The following AEBP2 variants were observed in gnomAD, a reference collection of about 807,000 sequenced individuals.
AEBP2 encodes zinc finger protein AEBP2.
A neutral mutation model predicts 50.8 loss-of-function variants in AEBP2; 10 were observed. The ratio of observed to expected loss-of-function variants is 0.20; its 90% CI spans 0.12 to 0.33. The LOEUF (loss-of-function observed/expected upper bound fraction) is 0.33. Among genes scored for constraint, AEBP2 ranks in the 10% least tolerant of loss-of-function variants. The pLI is 1.00. For synonymous variants in AEBP2, 296 were observed against 261.3 expected (o/e 1.13, Z -1.28); for missense variants, 570 against 688.0 (o/e 0.83, Z 1.92).
chr12:19,417,360 T>C (rs925878015), intron 1 of AEBP2, among the ~76,000 whole-genome samples: 5 of 152,168 alleles, frequency 3.3e-5, no homozygotes, highest in Non-Finnish European at 7.3e-5. Flanking sequence ...TCATTCTGTA[T>C]ATATTTCTTA....
intron 1 of AEBP2, chr12:19,440,721 A>C: frequency 1.3e-6 from 2 of 1,533,504 alleles, no homozygotes; most frequent in Non-Finnish European, 1.7e-6. Flanking sequence ...ACACGTCGGT[A>C]CTCAAGGTTA....
At chr12:19,469,045 C>T (rs7969253) in intron 2 of AEBP2, among the ~76,000 whole-genome samples, 7,167 of 152,236 alleles carry the variant, frequency 0.047, 386 homozygotes, top group East Asian at 0.18. Flanking sequence ...CTCCCTCAGC[C>T]TCCCAAGTAG....
intron 2 of AEBP2, among the ~76,000 whole-genome samples, chr12:19,467,145 C>T (rs1948490991): frequency 6.6e-6 from 1 of 152,104 alleles, no homozygotes; most frequent in South Asian, 2.1e-4. Flanking sequence ...GTTGCCCATG[C>T]TGGTCTTGCC....
At position 19,519,286 on chromosome 12, in the gene AEBP2, T is replaced by A. The variant is rs1949365770; in HGVS notation, c.*1169T>A. 6.6e-6 allele frequency: 1 copy of A among 152,602 alleles called. No individual in the cohort carries two copies. The highest frequency in any genetic ancestry group is 2.4e-5 in the African/African-American group (1 of 41,456). The allele number at this position is 152,602 out of a possible 1,614,324, so 9.5% of individuals were successfully genotyped here. ...TTTCTAGAGGCATGAAAGTTAAATG[T>A]ATATATTATGGTAGAAATAATATTG... On this transcript the variant is annotated 3_prime_UTR_variant, in exon 8 of 8. Transcript: ENST00000266508.
At chr12:19,473,144 C>G (rs1948595041) in intron 2 of AEBP2, 104 bp from the exon 3 acceptor site, 3 of 428,042 alleles carry the variant, frequency 7.0e-6, no homozygotes, top group South Asian at 1.7e-4. Context: ...TTCAGTAGCT[C>G]TTGTCAGTTG....
intron 2 of AEBP2, chr12:19,466,703 C>T: frequency 1.4e-6 from 1 of 709,092 alleles, no homozygotes; most frequent in Non-Finnish European, 1.7e-6. Context: ...ATTTTGTTGG[C>T]CTAATTATTT....
At chr12:19,464,942 A>G (rs1948444739) in intron 2 of AEBP2, among the ~76,000 whole-genome samples, 1 of 152,060 alleles carries the variant, frequency 6.6e-6, no homozygotes, top group Non-Finnish European at 1.5e-5. Context: ...GTAATTATAT[A>G]CCTGTACCTT....
At chr12:19,459,918 G>A (rs967349496) in intron 1 of AEBP2, among the ~76,000 whole-genome samples, 1 of 152,238 alleles carries the variant, frequency 6.6e-6, no homozygotes, top group African/African-American at 2.4e-5. Flanking sequence ...AGACTCTGCC[G>A]CTACAAAAAA....
At position 19,439,676 on chromosome 12, in the gene AEBP2, G is replaced by GGAC. The variant is rs1050968909; in HGVS notation, c.-22_-21insCGA. The GGAC allele has an allele frequency of 1.3e-6, 2 of 1,516,430 alleles. No homozygotes were observed. The highest frequency in any genetic ancestry group is 1.8e-6 in the Non-Finnish European group (2 of 1,138,560). 93.9% of individuals were successfully genotyped at this position (1,516,430 alleles called of 1,614,324 possible). Reference sequence around the variant, plus strand: ...AGGGAGGCGGCGGTGGGGAGGAGGAGGAGGAGGAGGAGCAGGCGCCGCCAT... The same window carrying GGAC: ...AGGGAGGCGGCGGTGGGGAGGAGGAGGACGAGGAGGAGGAGCAGGCGCCGCCAT... On this transcript the variant is annotated 5_prime_UTR_variant, in exon 1 of 8. Transcript: ENST00000266508.
At chr12:19,468,452 A>G (rs1592743484) in intron 2 of AEBP2, among the ~76,000 whole-genome samples, 1 of 152,170 alleles carries the variant, frequency 6.6e-6, no homozygotes, top group Middle Eastern at 3.2e-3. Context: ...ATTTTAATTT[A>G]CTGGTAATAA....
At chr12:19,481,476 C>T (rs1337071487) in intron 3 of AEBP2, among the ~76,000 whole-genome samples, 1 of 137,964 alleles carries the variant, frequency 7.2e-6, no homozygotes, top group Non-Finnish European at 1.6e-5. Flanking sequence ...CTTTTCTTTT[C>T]TTTTTTTTTT....
At chr12:19,504,298 G>T (rs1298711534) in intron 5 of AEBP2, among the ~76,000 whole-genome samples, 1 of 151,158 alleles carries the variant, frequency 6.6e-6, no homozygotes, top group Admixed American at 6.6e-5. Context: ...GCAGTGGCGC[G>T]ATCTCGGCTC....
At chr12:19,466,280 C>T (rs1416542327) in intron 2 of AEBP2, among the ~76,000 whole-genome samples, 1 of 151,974 alleles carries the variant, frequency 6.6e-6, no homozygotes, top group Non-Finnish European at 1.5e-5. Context: ...GCCTGGGCAA[C>T]GTGACAAAAT....
intron 1 of AEBP2, among the ~76,000 whole-genome samples, chr12:19,449,344 G>A (rs1948127285): frequency 6.6e-6 from 1 of 152,116 alleles, no homozygotes; most frequent in African/African-American, 2.4e-5. Flanking sequence ...CTTCCTTAGT[G>A]TAATTGTGTT....
At chr12:19,457,077 G>A (rs1404741252) in intron 1 of AEBP2, 2 of 1,605,560 alleles carry the variant, frequency 1.2e-6, no homozygotes, top group African/African-American at 2.7e-5. Flanking sequence ...ATGCTTCTGT[G>A]TCGGGGTTGT....
At chr12:19,489,247 G>A (rs1948860138) in intron 3 of AEBP2, among the ~76,000 whole-genome samples, 1 of 152,204 alleles carries the variant, frequency 6.6e-6, no homozygotes, top group Admixed American at 6.5e-5. Flanking sequence ...TGCATGGCTG[G>A]GGAAACCTCA....
In AEBP2 at chr12:19,440,026, G is replaced by GAGC. The variant is rs1460564416; in HGVS notation, c.337_339dup (p.Ser113dup). ...AGGACGACGAGGAGGAGGAAGATGAGAGCAGCAGCAGCGGCGGGGGTGAGG... is the reference window on the plus strand; with the variant it reads ...AGGACGACGAGGAGGAGGAAGATGAGAGCAGCAGCAGCAGCGGCGGGGGTGAGG... On this transcript the variant is annotated inframe_insertion, in exon 1 of 8. Coordinates refer to ENST00000266508, the MANE Select transcript of AEBP2 (RefSeq NM_153207.5). The GAGC allele has an allele frequency of 5.9e-6, 9 of 1,525,354 alleles. No individual in the cohort carries two copies. Among genetic ancestry groups the GAGC allele is most frequent in the African/African-American group, 4.3e-5 (3 of 70,310 alleles). 94.5% of individuals were successfully genotyped at this position (1,525,354 alleles called of 1,614,324 possible).
intron 4 of AEBP2, among the ~76,000 whole-genome samples, chr12:19,497,169 T>A (rs1488135972): frequency 1.3e-5 from 2 of 151,686 alleles, no homozygotes; most frequent in Non-Finnish European, 2.9e-5. Context: ...ACTTTTTTGG[T>A]CATGGACCCA....
At chr12:19,508,162 C>G (rs1490131139) in intron 5 of AEBP2, among the ~76,000 whole-genome samples, 1 of 152,036 alleles carries the variant, frequency 6.6e-6, no homozygotes, top group African/African-American at 2.4e-5. Context: ...ATTTTGTTGC[C>G]AAGTCTAGAA....
Sources: allele counts gnomAD v4.1 joint callset (sites outside exome capture counted in the v4.1 genomes callset), GRCh38; gene constraint gnomAD v4.1.1; transcripts MANE v1.5; gene names NCBI Gene and HGNC (gene_info 2026-07-23, HGNC 2026-07-21).